The following GRID2 variants were observed in gnomAD, a reference collection of about 807,000 sequenced individuals.
The protein encoded by GRID2 is glutamate ionotropic receptor delta type subunit 2.
GRID2 carries 33 observed loss-of-function variants against 114.8 expected under a neutral mutation model. The ratio of observed to expected loss-of-function variants is 0.29; its 90% CI spans 0.22 to 0.38. The LOEUF (loss-of-function observed/expected upper bound fraction) is 0.38. Among genes scored for constraint, GRID2 ranks in the 10% least tolerant of loss-of-function variants. The pLI, the probability that GRID2 is intolerant of heterozygous loss-of-function variation, is 1.00. For missense variants in GRID2, 1,184 were observed against 1,257.7 expected (o/e 0.94, Z 0.89); for synonymous variants, 505 against 449.9 (o/e 1.12, Z -1.55).
chr4:92,566,518 G>A (rs1040550797), intron 1 of GRID2, among the ~76,000 whole-genome samples: 2 of 151,880 alleles, frequency 1.3e-5, no homozygotes, highest in Non-Finnish European at 2.9e-5. Flanking sequence ...CTTCACAATG[G>A]CAGAAAAGCT....
At chr4:92,595,075 A>G (rs2149214848) in intron 2 of GRID2, among the ~76,000 whole-genome samples, 1 of 152,140 alleles carries the variant, frequency 6.6e-6, no homozygotes, top group Admixed American at 6.6e-5. Context: ...ATTTAATGAC[A>G]AGATTCAGCT....
chr4:92,994,301 CT>C (rs1281927470), intron 2 of GRID2, among the ~76,000 whole-genome samples: 5 of 152,010 alleles, frequency 3.3e-5, no homozygotes, highest in Non-Finnish European at 7.4e-5. Flanking sequence ...ACAACAAATC[CT>C]TAGAATCATG....
chr4:93,511,715 A>T (rs1296939345), intron 12 of GRID2, among the ~76,000 whole-genome samples: 5 of 152,062 alleles, frequency 3.3e-5, no homozygotes, highest in African/African-American at 1.2e-4. Context: ...TGAGTTATAC[A>T]TACTAATACT....
intron 11 of GRID2, among the ~76,000 whole-genome samples, chr4:93,481,824 G>A (rs1224859089): frequency 6.6e-6 from 1 of 151,924 alleles, no homozygotes; most frequent in Non-Finnish European, 1.5e-5. Context: ...AGGGTGGAGA[G>A]GGACAGCAAA....
intron 2 of GRID2, among the ~76,000 whole-genome samples, chr4:92,798,722 A>T (rs1409007851): frequency 6.6e-6 from 1 of 152,024 alleles, no homozygotes; most frequent in African/African-American, 2.4e-5. Flanking sequence ...TTATTTGTTA[A>T]TAAGTACCTG....
intron 2 of GRID2, among the ~76,000 whole-genome samples, chr4:92,625,054 T>C (rs1019448703): frequency 6.6e-6 from 1 of 151,778 alleles, no homozygotes; most frequent in African/African-American, 2.4e-5. Context: ...AATATCTTTA[T>C]ATGCTAAAAA....
rs377083429 is a variant in GRID2 at position 92,485,348 on chromosome 4, A to AGT, written c.89-104763_89-104762dup. On this transcript the variant is annotated intron_variant, in intron 1 of 15. Transcript: ENST00000282020. ...TATATATATATATATATATATATATAGTGTGTGTGTGTGTGTGTGTGAGTG... is the reference window on the plus strand; with the variant it reads ...TATATATATATATATATATATATATAGTGTGTGTGTGTGTGTGTGTGTGAGTG... 8.0e-3 allele frequency among the ~76,000 whole-genome samples: 393 copies of AGT among 49,346 alleles called. 3 individuals are homozygous for AGT. The highest frequency in any genetic ancestry group is 0.011 in the Non-Finnish European group (274 of 24,108). 32.4% of individuals were successfully genotyped at this position (49,346 alleles called of 152,430 possible). A position where few individuals can be genotyped will look rare whatever the true frequency, so the allele number is the denominator to read the frequency against.
chr4:92,866,275 C>T (rs1373601133), intron 2 of GRID2, among the ~76,000 whole-genome samples: 2 of 152,192 alleles, frequency 1.3e-5, no homozygotes, highest in Non-Finnish European at 2.9e-5. Context: ...CTCTTACCCA[C>T]TTATCAGTTG....
intron 13 of GRID2, among the ~76,000 whole-genome samples, chr4:93,599,863 G>A (rs1739493231): frequency 6.6e-6 from 1 of 152,134 alleles, no homozygotes; most frequent in Non-Finnish European, 1.5e-5. Context: ...TGGAGTTAGG[G>A]TTGCTAGACA....
chr4:92,490,148 TATC>T (rs1008937966), intron 1 of GRID2, among the ~76,000 whole-genome samples: 4 of 152,182 alleles, frequency 2.6e-5, no homozygotes, highest in African/African-American at 7.2e-5. Flanking sequence ...TAATAGATGA[TATC>T]ATTAAAACTT....
chr4:93,515,559 T>G (rs1729637827), intron 13 of GRID2, 148 bp downstream of exon 13: 1 of 598,356 alleles, frequency 1.7e-6, no homozygotes, highest in Non-Finnish European at 3.0e-6. Context: ...CATCTTATAT[T>G]GATTTAAAGA....
At position 92,449,710 on chromosome 4, in the gene GRID2, T is replaced by TATAA. The variant is rs1266661271; in HGVS notation, c.89-140420_89-140419insTAAA. 7.4e-4 allele frequency among the ~76,000 whole-genome samples: 98 copies of TATAA among 131,688 alleles called. 2 individuals are homozygous for TATAA. The highest frequency in any genetic ancestry group is 2.5e-3 in the African/African-American group (85 of 34,368). The allele number at this position is 131,688 out of a possible 152,430, so 86.4% of individuals were successfully genotyped here. On this transcript the variant is annotated intron_variant, in intron 1 of 15. Coordinates refer to ENST00000282020, the MANE Select transcript of GRID2 (RefSeq NM_001510.4). The stretch of plus-strand genomic sequence containing the variant: ...ATATATATATATATATATATATATA[T>TATAA]AACACTTAAGCCAAATTCATTTATA...
chr4:92,857,868 G>A (rs1744279588), intron 2 of GRID2, among the ~76,000 whole-genome samples: 1 of 152,054 alleles, frequency 6.6e-6, no homozygotes, highest in Admixed American at 6.6e-5. Flanking sequence ...CTCTTGTTAT[G>A]GGCTAATGAA....
intron 2 of GRID2, among the ~76,000 whole-genome samples, chr4:92,704,031 C>A (rs1229251470): frequency 6.6e-6 from 1 of 152,178 alleles, no homozygotes; most frequent in Non-Finnish European, 1.5e-5. Context: ...AATCCCAGCA[C>A]TTTTGGAGGC....
intron 2 of GRID2, among the ~76,000 whole-genome samples, chr4:92,653,710 C>T (rs537194511): frequency 6.6e-6 from 1 of 152,156 alleles, no homozygotes; most frequent in African/African-American, 2.4e-5. Flanking sequence ...AGTGAGCCAG[C>T]AGATTTGGGT....
intron 3 of GRID2, among the ~76,000 whole-genome samples, chr4:93,091,685 A>G (rs1202854972): frequency 6.6e-6 from 1 of 152,120 alleles, no homozygotes; most frequent in African/African-American, 2.4e-5. Flanking sequence ...TGCAAGAGCT[A>G]CAAGGACATT....
At chr4:93,236,635 T>C (rs765158978) in intron 7 of GRID2, among the ~76,000 whole-genome samples, 3 of 151,958 alleles carry the variant, frequency 2.0e-5, no homozygotes, top group Non-Finnish European at 4.4e-5. Flanking sequence ...GGAGTTCCAA[T>C]TGGCAGGGAA....
chr4:92,854,290 TAGA>T (rs1179973383), intron 2 of GRID2, among the ~76,000 whole-genome samples: 1 of 152,060 alleles, frequency 6.6e-6, no homozygotes, highest in Non-Finnish European at 1.5e-5. Flanking sequence ...TTTAATCCAA[TAGA>T]AGACTTATTA....
chr4:92,508,962 G>A (rs548293786), intron 1 of GRID2, among the ~76,000 whole-genome samples: 3 of 151,918 alleles, frequency 2.0e-5, no homozygotes, highest in African/African-American at 7.2e-5. Context: ...AATAACTCAG[G>A]AGGCTTAGAC....
Sources: allele counts gnomAD v4.1 joint callset (sites outside exome capture counted in the v4.1 genomes callset), GRCh38; gene constraint gnomAD v4.1.1; transcripts MANE v1.5; gene names NCBI Gene and HGNC (gene_info 2026-07-23, HGNC 2026-07-21).